The following ATP8B4 variants were observed in gnomAD, a reference collection of about 807,000 sequenced individuals.
The protein encoded by ATP8B4 is probable phospholipid-transporting ATPase IM.
ATP8B4 carries 133 observed loss-of-function variants against 145.6 expected under a neutral mutation model. The ratio of observed to expected loss-of-function variants is 0.91; its 90% CI spans 0.79 to 1.05. The LOEUF (loss-of-function observed/expected upper bound fraction) is 1.05. Among genes scored for constraint, ATP8B4 ranks in the 50% least tolerant of loss-of-function variants. The pLI is 0.00. For synonymous variants in ATP8B4, 507 were observed against 492.9 expected (o/e 1.03, Z -0.38); for missense variants, 1,458 against 1,425.2 (o/e 1.02, Z -0.37).
chr15:50,138,294 C>T (rs962546022), intron 1 of ATP8B4, among the ~76,000 whole-genome samples: 1 of 149,564 alleles, frequency 6.7e-6, no homozygotes, highest in Non-Finnish European at 1.5e-5. Context: ...CATTGCAGGT[C>T]CAGATAGATA....
intron 14 of ATP8B4, among the ~76,000 whole-genome samples, chr15:49,941,804 C>T (rs891665019): frequency 1.3e-5 from 2 of 152,130 alleles, no homozygotes; most frequent in African/African-American, 2.4e-5. Flanking sequence ...CGGGCATCAA[C>T]TGATGAGTAA....
In ATP8B4 at chr15:50,131,362, A is replaced by T. The variant is rs1035481290; in HGVS notation, c.-42-24354T>A. 1.1e-4 allele frequency among the ~76,000 whole-genome samples: 16 copies of T among 152,228 alleles called. No homozygotes were observed. The South Asian group carries it at 1.4e-3, about 14-fold the overall frequency. ...ATAATTCTATCCTTTACAGATAAAG[A>T]ATCAGAGAAACAGAGAGGTTAAAGA... On this transcript the variant is annotated intron_variant, in intron 1 of 3. Coordinates refer to the ATP8B4 transcript ENST00000558829.
intron 27 of ATP8B4, among the ~76,000 whole-genome samples, 183 bp from the exon 28 acceptor site, chr15:49,860,658 C>G (rs1055459472): frequency 1.3e-5 from 2 of 152,052 alleles, no homozygotes; most frequent in African/African-American, 4.8e-5. Context: ...GGCACTGGTC[C>G]ATTTTTATCT....
At chr15:49,884,770 C>T (rs1253477099) in intron 23 of ATP8B4, among the ~76,000 whole-genome samples, 1 of 152,116 alleles carries the variant, frequency 6.6e-6, no homozygotes, top group Non-Finnish European at 1.5e-5. Context: ...ATGAACCAGG[C>T]CTCACAGCAG....
chr15:49,902,800 G>T (rs1266553176), intron 20 of ATP8B4, among the ~76,000 whole-genome samples: 4 of 152,168 alleles, frequency 2.6e-5, no homozygotes, highest in Non-Finnish European at 5.9e-5. Context: ...CCTTGGAAAT[G>T]AACATTTCTC....
In ATP8B4 at chr15:50,022,277, C is replaced by T. The variant is rs1217443853; in HGVS notation, c.363-11360G>A. Among the ~76,000 whole-genome samples the T allele has an allele frequency of 2.0e-5, 3 of 152,098 alleles. No individual in the cohort carries two copies. The East Asian group carries it at 5.8e-4, about 29-fold the overall frequency. Reference sequence around the variant, plus strand: ...TAAAAACTCACTTCTCAGAAGCCTCCTTTGTTCCCCAGACTGGCCTAAGTA... The same window carrying T: ...TAAAAACTCACTTCTCAGAAGCCTCTTTTGTTCCCCAGACTGGCCTAAGTA... On this transcript the variant is annotated intron_variant, in intron 6 of 27. Transcript: ENST00000284509.
At chr15:49,945,077 A>G (rs1244758382) in intron 14 of ATP8B4, among the ~76,000 whole-genome samples, 3 of 152,182 alleles carry the variant, frequency 2.0e-5, no homozygotes, top group Non-Finnish European at 4.4e-5. Flanking sequence ...CATAGCAATA[A>G]ATGCATATAA....
chr15:50,072,678 T>A (rs2053818665), intron 3 of ATP8B4, among the ~76,000 whole-genome samples: 1 of 151,680 alleles, frequency 6.6e-6, no homozygotes, highest in Non-Finnish European at 1.5e-5. Flanking sequence ...CTGGAGTGAG[T>A]GCAATGGTGC....
intron 1 of ATP8B4, among the ~76,000 whole-genome samples, chr15:50,160,034 T>TTTC (rs1447444461): frequency 6.8e-6 from 1 of 147,884 alleles, no homozygotes; most frequent in Non-Finnish European, 1.5e-5. Context: ...TTTTTTTTTT[T>TTTC]TTTTGCTGGG....
chr15:50,134,056 AATGTAT>A (rs2044087650), intron 1 of ATP8B4, among the ~76,000 whole-genome samples: 2 of 152,204 alleles, frequency 1.3e-5, no homozygotes, highest in Non-Finnish European at 2.9e-5. Flanking sequence ...ACTATTTCAC[AATGTAT>A]ATGTATATCA....
chr15:50,065,438 C>A (rs2053315685), intron 3 of ATP8B4, among the ~76,000 whole-genome samples: 1 of 152,044 alleles, frequency 6.6e-6, no homozygotes, highest in Admixed American at 6.6e-5. Context: ...AAGAAGATTG[C>A]AAAACAAGAT....
chr15:50,056,406 G>A (rs1408725494), intron 3 of ATP8B4, among the ~76,000 whole-genome samples: 3 of 152,118 alleles, frequency 2.0e-5, no homozygotes, highest in Admixed American at 2.0e-4. Context: ...ATTTCAGGAG[G>A]TGATCATCAA....
At position 50,076,944 on chromosome 15, in the gene ATP8B4, C is replaced by A. The variant is rs573149623; in HGVS notation, c.29-2759G>T. On this transcript the variant is annotated intron_variant, in intron 2 of 27. Transcript: ENST00000284509. ...CACAGTGTATGAGGGGATATAAAGA[C>A]CTTTTGGCAATAAATCACATCCTGG... 4.6e-5 allele frequency among the ~76,000 whole-genome samples: 7 copies of A among 152,252 alleles called. No individual in the cohort carries two copies. The East Asian group carries it at 1.4e-3, about 29-fold the overall frequency.
intron 23 of ATP8B4, among the ~76,000 whole-genome samples, chr15:49,884,603 C>CAAAA (rs1171236865): frequency 3.0e-5 from 1 of 32,798 alleles, no homozygotes; most frequent in African/African-American, 1.1e-4. Flanking sequence ...ATCCTGTCTC[C>CAAAA]AAAAAAAAAG....
At chr15:50,143,588 CAG>C (rs34411928) in intron 1 of ATP8B4, among the ~76,000 whole-genome samples, 76,314 of 151,994 alleles carry the variant, frequency 0.5, 21,036 homozygotes, top group African/African-American at 0.74. Context: ...ATTGACTATA[CAG>C]AGTCAGCCGT....
chr15:50,116,871 ATAATATT>A (rs1186370755), intron 1 of ATP8B4, among the ~76,000 whole-genome samples: 1 of 152,136 alleles, frequency 6.6e-6, no homozygotes, highest in Non-Finnish European at 1.5e-5. Context: ...ATAATGATCA[ATAATATT>A]TAATATTTAA....
At chr15:49,967,431 C>T (rs576036625) in intron 13 of ATP8B4, among the ~76,000 whole-genome samples, 47 of 152,246 alleles carry the variant, frequency 3.1e-4, no homozygotes, top group African/African-American at 1.1e-3. Context: ...ACATAAGTGA[C>T]CTGATGGAGC....
At chr15:50,178,294 G>A (rs146339595) in intron 1 of ATP8B4, among the ~76,000 whole-genome samples, 49 of 152,246 alleles carry the variant, frequency 3.2e-4, no homozygotes, top group East Asian at 1.3e-3. Context: ...CTATGGGGAC[G>A]GAGAATCTCC....
intron 3 of ATP8B4, among the ~76,000 whole-genome samples, chr15:50,049,106 TCCTTTGGGGTGTA>T (rs1328439672): frequency 2.6e-5 from 4 of 152,206 alleles, no homozygotes; most frequent in Admixed American, 2.6e-4. Flanking sequence ...ATCCCACTCC[TCCTTTGGGGTGTA>T]CCCATTTTTC....
Sources: gnomAD v4.1 joint callset for allele counts (sites outside exome capture counted in the v4.1 genomes callset) on GRCh38, gnomAD v4.1.1 for gene constraint, MANE v1.5 for transcripts, NCBI Gene and HGNC (gene_info 2026-07-23, HGNC 2026-07-21) for gene names.